SCTR: variants seen among roughly 807,000 people sequenced by gnomAD.
SCTR encodes secretin receptor.
A neutral mutation model predicts 60.8 loss-of-function variants in SCTR; 56 were observed. The ratio of observed to expected loss-of-function variants is 0.92; its 90% CI spans 0.74 to 1.15. SCTR has a LOEUF of 1.15. Among genes scored for constraint, SCTR ranks in the 50% most tolerant of loss-of-function variants. The probability of loss-of-function intolerance (pLI) is 0.00; values close to 1 mark genes in which losing one functional copy is unlikely to be tolerated. For missense variants in SCTR, 562 were observed against 550.4 expected, an observed-to-expected ratio of 1.02 and a Z score of -0.21; for synonymous variants, 202 against 217.0, an observed-to-expected ratio of 0.93 and a Z score of 0.61.
At chr2:119,452,391 A>G (rs945119324) in intron 8 of SCTR, among the ~76,000 whole-genome samples, 9 of 152,218 alleles carry the variant, frequency 5.9e-5, no homozygotes, top group African/African-American at 7.2e-5. Flanking sequence ...AACAGAAGCC[A>G]GGAAGATGAC....
intron 7 of SCTR, among the ~76,000 whole-genome samples, chr2:119,457,003 G>A (rs745948445): frequency 7.9e-5 from 12 of 152,190 alleles, no homozygotes; most frequent in African/African-American, 1.4e-4. Context: ...CTGCCAACGC[G>A]TTGATTTCAG....
chr2:119,462,229 G>T (rs1318035449), intron 6 of SCTR, among the ~76,000 whole-genome samples: 2 of 152,188 alleles, frequency 1.3e-5, no homozygotes, highest in African/African-American at 4.8e-5. Context: ...GCCAATCAAT[G>T]AGCCATCATA....
At chr2:119,484,431 G>A (rs150385520) in intron 2 of SCTR, among the ~76,000 whole-genome samples, 7 of 152,246 alleles carry the variant, frequency 4.6e-5, no homozygotes, top group African/African-American at 1.4e-4. Flanking sequence ...CCCAGTGCCC[G>A]TGGCCCAGGA....
chr2:119,478,364 G>T (rs767165085), intron 3 of SCTR, among the ~76,000 whole-genome samples: 4 of 152,124 alleles, frequency 2.6e-5, no homozygotes, highest in East Asian at 1.9e-4. Context: ...AGGAGGCCAG[G>T]GGCTCCCAGG....
In SCTR at chr2:119,501,433, T is replaced by C. The variant is rs187228393; in HGVS notation, c.73-6885A>G. 4.2e-3 allele frequency among the ~76,000 whole-genome samples: 632 copies of C among 151,208 alleles called. 4 individuals carry two copies. The highest frequency in any genetic ancestry group is 0.014 in the African/African-American group (580 of 41,264). On this transcript the variant is annotated intron_variant, in intron 1 of 12. Transcript: ENST00000019103. ...TAAAAAAAAAAAAAAGTGGATCTCT[T>C]GGAGGTAGAGAATAGAATGGTGTTT...
At chr2:119,480,539 A>G (rs1677552930) in intron 2 of SCTR, 1 of 152,224 alleles carries the variant, frequency 6.6e-6, no homozygotes, top group South Asian at 2.1e-4. Flanking sequence ...GCCAAACCAT[A>G]TCAGTTACTT....
intron 1 of SCTR, among the ~76,000 whole-genome samples, chr2:119,497,628 G>C (rs1180281492): frequency 6.6e-6 from 1 of 151,940 alleles, no homozygotes; most frequent in Non-Finnish European, 1.5e-5. Flanking sequence ...AGGAAGGCAG[G>C]CAGGCAGGCA....
chr2:119,447,723 C>T (rs1682987057), intron 10 of SCTR, among the ~76,000 whole-genome samples: 1 of 152,214 alleles, frequency 6.6e-6, no homozygotes, highest in South Asian at 2.1e-4. Context: ...AGGCGCCCTC[C>T]ACCACGCCTG....
At chr2:119,480,424 G>A (rs929049481) in intron 2 of SCTR, among the ~76,000 whole-genome samples, 2 of 152,098 alleles carry the variant, frequency 1.3e-5, no homozygotes, top group African/African-American at 4.8e-5. Context: ...GAACAGCATG[G>A]GAGAAACCTG....
intron 10 of SCTR, 57 bp from the exon 11 acceptor site, chr2:119,446,942 C>T: frequency 2.2e-6 from 3 of 1,371,728 alleles, no homozygotes; most frequent in Non-Finnish European, 2.9e-6. Flanking sequence ...CTTTCTCCTC[C>T]TGTAGGCACA....
intron 6 of SCTR, among the ~76,000 whole-genome samples, chr2:119,463,757 T>C (rs1247260098): frequency 6.6e-6 from 1 of 152,194 alleles, no homozygotes; most frequent in African/African-American, 2.4e-5. Flanking sequence ...CCTTTTCTTT[T>C]TATGACCAAC....
Position 119,440,189 on chromosome 2 carries a change from G to A in SCTR, c.1251C>T (p.Ala417=), listed in dbSNP as rs1682602636. 1 of 1,614,088 alleles carries A rather than the reference G, an allele frequency of 6.2e-7. No individual in the cohort carries two copies. Among genetic ancestry groups the A allele is most frequent in the East Asian group, 2.2e-5 (1 of 44,864 alleles). ...TGGCCTTGGTGCTGTTGCTGAAGGA[G>A]GCCACGGGGTGCAGTGGGAACTCAC... ...HLREFPLHPV[A]SFSNSTKASH... is the part of the protein sequence containing the mutation. The change falls in exon 13 of 13, where the codon GCC becomes GCT. Residue 417 remains alanine (A), a synonymous_variant. Coordinates refer to ENST00000019103, the MANE Select transcript of SCTR (RefSeq NM_002980.3).
intron 7 of SCTR, among the ~76,000 whole-genome samples, chr2:119,456,484 T>C (rs1177812916): frequency 6.6e-6 from 1 of 152,110 alleles, no homozygotes; most frequent in Admixed American, 6.6e-5. Flanking sequence ...TACTGGAGGA[T>C]GTGCTCCAAC....
At chr2:119,451,734 ACAAGGAGCTCTGCT>A (rs1035559869) in intron 9 of SCTR, among the ~76,000 whole-genome samples, 2 of 152,238 alleles carry the variant, frequency 1.3e-5, no homozygotes, top group Non-Finnish European at 2.9e-5. Context: ...CCAGTTTAGA[ACAAGGAGCTCTGCT>A]CACCACACTT....
chr2:119,452,227 A>G (rs1413129613), intron 8 of SCTR, 148 bp from the exon 9 acceptor site: 1 of 590,050 alleles, frequency 1.7e-6, no homozygotes, highest in Non-Finnish European at 3.1e-6. Context: ...CAGCACCATT[A>G]GAACACCCCC....
At chr2:119,477,685 A>G (rs2104845707) in intron 3 of SCTR, among the ~76,000 whole-genome samples, 1 of 152,344 alleles carries the variant, frequency 6.6e-6, no homozygotes, top group South Asian at 2.1e-4. Context: ...TCCCGACCTC[A>G]GGAGATCCGC....
intron 2 of SCTR, among the ~76,000 whole-genome samples, chr2:119,485,243 T>C (rs1205569541): frequency 6.6e-6 from 1 of 152,244 alleles, no homozygotes; most frequent in African/African-American, 2.4e-5. Flanking sequence ...GAGAAAGTTC[T>C]ATTTTTGCCC....
intron 4 of SCTR, among the ~76,000 whole-genome samples, chr2:119,470,566 C>T (rs554321079): frequency 6.1e-4 from 93 of 152,236 alleles, no homozygotes; most frequent in African/African-American, 2.1e-3. Context: ...CAAAGCGTTA[C>T]ATTTTCCTTT....
intron 7 of SCTR, among the ~76,000 whole-genome samples, chr2:119,454,638 G>A (rs999751285): frequency 1.1e-4 from 16 of 152,152 alleles, no homozygotes; most frequent in African/African-American, 3.1e-4. Context: ...TGGATCACCC[G>A]AGGTCAGGAG....
Sources: allele counts gnomAD v4.1 joint callset (sites outside exome capture counted in the v4.1 genomes callset), GRCh38; gene constraint gnomAD v4.1.1; transcripts MANE v1.5; gene names NCBI Gene and HGNC (gene_info 2026-07-23, HGNC 2026-07-21).